Variants in TRIM37 observed in about 807,000 individuals in gnomAD.
TRIM37 encodes tripartite motif containing 37, also known as E3 ubiquitin-protein ligase TRIM37.
In TRIM37, 80 loss-of-function variants were observed where a neutral mutation model predicts 129.8. The observed-to-expected ratio is 0.62, with a 90% CI of 0.51 to 0.74. TRIM37 has a LOEUF of 0.74. Among genes scored for constraint, TRIM37 ranks in the 30% least tolerant of loss-of-function variants. TRIM37 has a pLI of 0.00. For missense variants in TRIM37, 1,054 were observed against 1,176.5 expected (o/e 0.90, Z 1.52); for synonymous variants, 389 against 387.1 (o/e 1.00, Z -0.06).
chr17:59,007,217 C>CACACACACA (rs1291295818), intron 22 of TRIM37, among the ~76,000 whole-genome samples: 4 of 17,134 alleles, frequency 2.3e-4, no homozygotes, highest in African/African-American at 7.5e-4. Flanking sequence ...TAAAACCACC[C>CACACACACA]CACCCCCACC....
Position 59,106,865 on chromosome 17 carries a change from C to T in TRIM37, c.-404G>A. 3.2e-6 allele frequency: 1 copy of T among 315,674 alleles called. No homozygotes were observed. The highest frequency in any genetic ancestry group is 5.9e-6 in the Non-Finnish European group (1 of 169,014). 19.6% of individuals were successfully genotyped at this position (315,674 alleles called of 1,614,324 possible). ...GTAACCAGAGCAGCTGGGGGCGCGGCGGCGAGAGAAGCTGCGAAGCGCATG... is the reference window on the plus strand; with the variant it reads ...GTAACCAGAGCAGCTGGGGGCGCGGTGGCGAGAGAAGCTGCGAAGCGCATG... On this transcript the variant is annotated 5_prime_UTR_variant, in exon 1 of 24. Coordinates refer to ENST00000262294, the MANE Select transcript of TRIM37 (RefSeq NM_015294.6).
downstream of TRIM37, among the ~76,000 whole-genome samples, chr17:58,994,898 C>T (rs1034617411): frequency 6.6e-6 from 1 of 151,818 alleles, no homozygotes; most frequent in Admixed American, 6.6e-5. Flanking sequence ...TACAGGCATG[C>T]GCCATCACAG....
intron 17 of TRIM37, among the ~76,000 whole-genome samples, chr17:59,041,607 G>GGT (rs757191711): frequency 1.3e-5 from 2 of 152,026 alleles, no homozygotes; most frequent in Non-Finnish European, 2.9e-5. Context: ...CACAGTGCCT[G>GGT]GTACATAAAA....
At chr17:58,997,440 C>A (rs745472001), downstream of TRIM37, among the ~76,000 whole-genome samples, 1 of 152,070 alleles carries the variant, frequency 6.6e-6, no homozygotes, top group Non-Finnish European at 1.5e-5. Context: ...TGGTTTTGAA[C>A]CTGAAGAGAA....
chr17:58,980,875 G>C (rs781773467), downstream of TRIM37: 1 of 1,614,228 alleles, frequency 6.2e-7, no homozygotes, highest in South Asian at 1.1e-5. The surrounding 1 kb of genome is among the most constrained non-coding windows in gnomAD (Gnocchi z 4.7). Flanking sequence ...GCACTAGCCT[G>C]TCCTCACTTA....
intron 9 of TRIM37, among the ~76,000 whole-genome samples, chr17:59,067,029 T>A (rs1312860517): frequency 6.6e-6 from 1 of 151,172 alleles, no homozygotes; most frequent in Non-Finnish European, 1.5e-5. Flanking sequence ...ATTTAAATTT[T>A]ATTTATTTAT....
intron 2 of TRIM37, among the ~76,000 whole-genome samples, chr17:59,103,284 A>G (rs776195414): frequency 3.3e-5 from 5 of 152,108 alleles, no homozygotes; most frequent in Non-Finnish European, 2.9e-5. Context: ...TGCTCTGTAG[A>G]TGTGCTATTG....
chr17:59,095,740 G>A (rs2044793558), intron 2 of TRIM37, among the ~76,000 whole-genome samples: 3 of 152,042 alleles, frequency 2.0e-5, no homozygotes, highest in East Asian at 1.9e-4. Context: ...TTGTTTTTGA[G>A]ACAAGTCTCA....
chr17:58,997,083 C>T (rs73317226), downstream of TRIM37, among the ~76,000 whole-genome samples: 3,318 of 152,080 alleles, frequency 0.022, 118 homozygotes, highest in African/African-American at 0.076. Flanking sequence ...GATCCTAGAC[C>T]GGATCCTAGA....
At chr17:59,076,040 C>G (rs547381685) in intron 7 of TRIM37, among the ~76,000 whole-genome samples, 1 of 152,232 alleles carries the variant, frequency 6.6e-6, no homozygotes, top group African/African-American at 2.4e-5. Flanking sequence ...TGGGAAGAAG[C>G]AATAACATGA....
intron 2 of TRIM37, among the ~76,000 whole-genome samples, chr17:59,094,098 T>C (rs1326745371): frequency 2.0e-5 from 3 of 152,162 alleles, no homozygotes; most frequent in Non-Finnish European, 2.9e-5. Flanking sequence ...TTTTCCCACG[T>C]TGGCCAGGCT....
intron 24 of TRIM37, among the ~76,000 whole-genome samples, chr17:58,990,445 C>G (rs374483199): frequency 6.6e-6 from 1 of 151,262 alleles, no homozygotes; most frequent in African/African-American, 2.4e-5. Context: ...GAGCTGAGAT[C>G]GAGCCACTGC....
In TRIM37 at chr17:59,032,049, T is replaced by C. The variant is rs1009937313; in HGVS notation, c.1795A>G (p.Arg599Gly). ...GYVGSSSRISRRTHLCSAATS... is the reference protein window; with the variant it reads ...GYVGSSSRISGRTHLCSAATS... Reference sequence around the variant, plus strand: ...GCAGCGGAGCATAAATGTGTTCTTCTTGATATTCTACTACTGGAACCCACA... The same window carrying C: ...GCAGCGGAGCATAAATGTGTTCTTCCTGATATTCTACTACTGGAACCCACA... The change falls in exon 18 of 24, where the codon AGA (arginine) becomes GGA (glycine). Residue 599 changes from arginine to glycine, a missense_variant. Arg to Gly is a moderately radical substitution (Grantham distance 125). This residue lies in a region of TRIM37 where 752 missense variants were observed against 870.8 expected (regional missense o/e 0.86). Transcript: ENST00000262294. 3 of 1,614,116 alleles carry C rather than the reference T, an allele frequency of 1.9e-6. No homozygotes were observed. The highest frequency in any genetic ancestry group is 1.7e-6 in the Non-Finnish European group (2 of 1,180,030).
intron 13 of TRIM37, among the ~76,000 whole-genome samples, chr17:59,053,054 C>T (rs1405131598): frequency 1.3e-5 from 2 of 152,192 alleles, no homozygotes. Context: ...ATTCACTCAA[C>T]TGAGCAGAGA....
intron 9 of TRIM37, among the ~76,000 whole-genome samples, chr17:59,065,321 A>C (rs959564475): frequency 2.4e-4 from 37 of 152,348 alleles, no homozygotes; most frequent in African/African-American, 8.4e-4. Context: ...GGAAATATTA[A>C]CAGACCTCAA....
the TRIM37 span, among the ~76,000 whole-genome samples, chr17:58,974,737 A>G: frequency 2.2e-4 from 33 of 152,348 alleles, no homozygotes; most frequent in African/African-American, 7.7e-4. Flanking sequence ...TTAGTTAAAA[A>G]TTACCAAAAA....
the TRIM37 span, among the ~76,000 whole-genome samples, chr17:58,968,627 A>G: frequency 6.6e-6 from 1 of 152,150 alleles, no homozygotes; most frequent in Non-Finnish European, 1.5e-5. Context: ...TTGCAAATGA[A>G]AATTATTACA....
rs756887181 is a variant in TRIM37, at chr17:59,061,121, T to A, written c.943-13A>T. ...CTCCATTTCCATCCTAAAAGAAGAA[T>A]AATCAGTTTGAGTGTAAAAAAATTA... On this transcript the variant is annotated splice_polypyrimidine_tract_variant and intron_variant, in intron 11 of 23. Coordinates refer to ENST00000262294, the MANE Select transcript of TRIM37 (RefSeq NM_015294.6). 24 of 1,611,302 alleles carry A rather than the reference T, an allele frequency of 1.5e-5. No homozygotes were observed. In the South Asian group the frequency reaches 2.5e-4, roughly 17 times the overall value.
Position 58,998,684 on chromosome 17 carries a change from C to CA in TRIM37, c.*692dup. The stretch of plus-strand genomic sequence containing the variant: ...AATGAAAGAATTTTAAATAATCTTA[C>CA]ACGTGTCTACAGGGCCAGGAACGTA... On this transcript the variant is annotated 3_prime_UTR_variant, in exon 24 of 24. Transcript: ENST00000262294. 1 of 985,384 alleles carries CA rather than the reference C, an allele frequency of 1.0e-6. No individual in the cohort carries two copies. The highest frequency in any genetic ancestry group is 1.7e-5 in the African/African-American group (1 of 57,336). The allele number at this position is 985,384 out of a possible 1,614,324, so 61.0% of individuals were successfully genotyped here. A position where few individuals can be genotyped will look rare whatever the true frequency, so the allele number is the denominator to read the frequency against.
Sources: allele counts gnomAD v4.1 joint callset (sites outside exome capture counted in the v4.1 genomes callset), GRCh38; gene constraint gnomAD v4.1.1; regional missense constraint gnomAD v4.1.1; non-coding constraint Gnocchi (gnomAD v3.1); transcripts MANE v1.5; gene names NCBI Gene and HGNC (gene_info 2026-07-23, HGNC 2026-07-21).